Variants in FOXP1 observed in about 807,000 individuals in gnomAD.
The protein encoded by FOXP1 is forkhead box P1, also known as forkhead box protein P1.
FOXP1 carries 15 observed loss-of-function variants against 98.2 expected under a neutral mutation model. That is an observed-to-expected ratio of 0.15 (90% CI 0.10 to 0.24). FOXP1 has a LOEUF of 0.24. Among genes scored for constraint, FOXP1 ranks in the 10% least tolerant of loss-of-function variants. The pLI is 1.00. For synonymous variants in FOXP1, 371 were observed against 314.5 expected (o/e 1.18, Z -1.90); for missense variants, 633 against 848.5 (o/e 0.75, Z 3.15).
intron 11 of FOXP1, among the ~76,000 whole-genome samples, chr3:71,026,911 G>C (rs2046198761): frequency 6.6e-6 from 1 of 152,196 alleles, no homozygotes; most frequent in Non-Finnish European, 1.5e-5. Flanking sequence ...GCCTGTATTT[G>C]CAAGGTGATG....
intron 7 of FOXP1, chr3:71,064,804 GATCA>G: frequency 1.0e-6 from 1 of 984,884 alleles, no homozygotes; most frequent in Non-Finnish European, 1.2e-6. Flanking sequence ...AACCGGCAAA[GATCA>G]ATCAGAAGGA....
intron 6 of FOXP1, among the ~76,000 whole-genome samples, chr3:71,114,656 G>C (rs1373112083): frequency 6.6e-6 from 1 of 152,140 alleles, no homozygotes; most frequent in Non-Finnish European, 1.5e-5. Flanking sequence ...AACTCACCAC[G>C]ACCAGCCCTT....
chr3:71,494,368 C>T (rs562603213), intron 2 of FOXP1, among the ~76,000 whole-genome samples: 4 of 152,314 alleles, frequency 2.6e-5, no homozygotes, highest in African/African-American at 9.6e-5. Flanking sequence ...CTTTAAGCTT[C>T]CTGATTAAAA....
intron 7 of FOXP1, among the ~76,000 whole-genome samples, chr3:71,060,938 C>T (rs1222391556): frequency 6.6e-6 from 1 of 152,092 alleles, no homozygotes; most frequent in Non-Finnish European, 1.5e-5. Flanking sequence ...TTTTCTCATT[C>T]GAAATTAATT....
At chr3:71,413,257 T>TACACACACACACAC (rs1560450256) in intron 3 of FOXP1, among the ~76,000 whole-genome samples, 1 of 10,524 alleles carries the variant, frequency 9.5e-5, no homozygotes, top group African/African-American at 3.3e-4. Flanking sequence ...ATCCCCCAAA[T>TACACACACACACAC]AGACACACAC....
intron 11 of FOXP1, 110 bp downstream of exon 11, chr3:71,041,218 T>C: frequency 2.3e-6 from 2 of 861,362 alleles, no homozygotes; most frequent in Non-Finnish European, 4.0e-6. Flanking sequence ...TATATGCACA[T>C]TCAAGTCACA....
chr3:71,135,331 G>T (rs979930344), intron 6 of FOXP1, among the ~76,000 whole-genome samples: 2 of 151,778 alleles, frequency 1.3e-5, no homozygotes, highest in East Asian at 1.9e-4. Context: ...AAGGAGGGGG[G>T]ACCAAAAGGA....
intron 7 of FOXP1, among the ~76,000 whole-genome samples, chr3:71,065,272 C>A (rs998214625): frequency 6.6e-6 from 1 of 152,054 alleles, no homozygotes; most frequent in African/African-American, 2.4e-5. Flanking sequence ...CCGGGGCTGC[C>A]GGCGGGGCGG....
At chr3:71,053,573 T>A in intron 8 of FOXP1, 63 bp downstream of exon 8, 1 of 1,603,714 alleles carries the variant, frequency 6.2e-7, no homozygotes, top group Non-Finnish European at 8.5e-7. Flanking sequence ...AGATTGCGAA[T>A]GGAGTGATGG....
chr3:71,423,285 C>T (rs1045948069), intron 3 of FOXP1, among the ~76,000 whole-genome samples: 1 of 152,168 alleles, frequency 6.6e-6, no homozygotes, highest in Non-Finnish European at 1.5e-5. Context: ...ACTTGCCAAG[C>T]GCATCGCAGA....
intron 6 of FOXP1, among the ~76,000 whole-genome samples, chr3:71,179,373 G>C (rs2062149950): frequency 6.6e-6 from 1 of 152,022 alleles, no homozygotes; most frequent in South Asian, 2.1e-4. Flanking sequence ...CTCTCAAAGT[G>C]CTGGGATTAC....
intron 5 of FOXP1, among the ~76,000 whole-genome samples, chr3:71,267,895 G>T (rs993505467): frequency 2.6e-5 from 4 of 151,596 alleles, no homozygotes; most frequent in African/African-American, 9.7e-5. Flanking sequence ...GTGGGTGCCT[G>T]TAATCCCAGC....
chr3:71,396,747 G>A (rs946318684), intron 3 of FOXP1, among the ~76,000 whole-genome samples: 1 of 138,718 alleles, frequency 7.2e-6, no homozygotes, highest in African/African-American at 3.4e-5. Flanking sequence ...TAAACCAAGT[G>A]TGGGTCCCTT....
chr3:71,317,599 G>T (rs2075151671), intron 4 of FOXP1, among the ~76,000 whole-genome samples: 1 of 152,144 alleles, frequency 6.6e-6, no homozygotes, highest in South Asian at 2.1e-4. Context: ...AGTACAGTAT[G>T]CCTGAATTCT....
chr3:71,233,106 C>A (rs1207016955), intron 5 of FOXP1, among the ~76,000 whole-genome samples: 1 of 151,506 alleles, frequency 6.6e-6, no homozygotes, highest in Non-Finnish European at 1.5e-5. Context: ...GATTGCACAA[C>A]TGCACTCCAG....
At chr3:71,078,354 T>C (rs1389057921) in intron 7 of FOXP1, among the ~76,000 whole-genome samples, 1 of 152,196 alleles carries the variant, frequency 6.6e-6, no homozygotes, top group African/African-American at 2.4e-5. Context: ...TATGACTGAG[T>C]GACCTCATCA....
chr3:71,480,655 C>T (rs554069775), intron 3 of FOXP1, among the ~76,000 whole-genome samples: 27 of 152,274 alleles, frequency 1.8e-4, no homozygotes, highest in Admixed American at 2.0e-4. Context: ...AGACGAACAG[C>T]TGAAGGAGCA....
intron 2 of FOXP1, among the ~76,000 whole-genome samples, chr3:71,580,044 G>C (rs1308335168): frequency 6.6e-6 from 1 of 151,838 alleles, no homozygotes; most frequent in African/African-American, 2.4e-5. Context: ...CTGCTTGATC[G>C]AATAGTCCAG....
At chr3:71,146,964 T>A (rs970541610) in intron 6 of FOXP1, among the ~76,000 whole-genome samples, 1 of 152,224 alleles carries the variant, frequency 6.6e-6, no homozygotes, top group African/African-American at 2.4e-5. Flanking sequence ...TGAGCAAGGT[T>A]ACCACCTGTC....
Sources: gnomAD v4.1 joint callset for allele counts (sites outside exome capture counted in the v4.1 genomes callset) on GRCh38, gnomAD v4.1.1 for gene constraint, MANE v1.5 for transcripts, NCBI Gene and HGNC (gene_info 2026-07-23, HGNC 2026-07-21) for gene names.